Variants in ZC3H12B observed in about 807,000 individuals in gnomAD.
ZC3H12B encodes zinc finger CCCH-type containing 12B.
Under a neutral mutation model 43.9 loss-of-function variants are expected in ZC3H12B, and 7 were observed. The observed-to-expected ratio is 0.16, with a 90% CI of 0.09 to 0.30. ZC3H12B has a LOEUF of 0.30. Ranked by LOEUF, ZC3H12B falls within the 10% of genes least tolerant of loss-of-function variation. ZC3H12B has a pLI of 1.00. For missense variants in ZC3H12B, 475 were observed against 670.2 expected (o/e 0.71, Z 3.22); for synonymous variants, 222 against 241.7 (o/e 0.92, Z 0.76).
the ZC3H12B span, among the ~76,000 whole-genome samples, chrX:65,243,864 C>T: frequency 6.7e-3 from 751 of 111,349 alleles, 9 homozygotes; most frequent in African/African-American, 0.023. Context: ...ACAAAGTTAG[C>T]CAGGAACAGA....
At chrX:65,211,774 T>A in the ZC3H12B span, among the ~76,000 whole-genome samples, 2 of 81,995 alleles carry the variant, frequency 2.4e-5, no homozygotes, top group African/African-American at 1.0e-4. Flanking sequence ...ATGTATGTTA[T>A]ATAATATATT....
At chrX:65,297,174 G>T in the ZC3H12B span, among the ~76,000 whole-genome samples, 1 of 111,029 alleles carries the variant, frequency 9.0e-6, no homozygotes, top group African/African-American at 3.3e-5. Context: ...GTAGAAATCA[G>T]GGTAATCTAA....
At chrX:65,414,062 T>C (rs1433397059) in intron 3 of ZC3H12B, among the ~76,000 whole-genome samples, 1 of 112,191 alleles carries the variant, frequency 8.9e-6, no homozygotes, top group Non-Finnish European at 1.9e-5. Flanking sequence ...GTTTTATTCT[T>C]TTTCAGATAT....
At chrX:65,157,760 C>G in the ZC3H12B span, among the ~76,000 whole-genome samples, 1 of 87,473 alleles carries the variant, frequency 1.1e-5, no homozygotes, top group African/African-American at 1.0e-4. Flanking sequence ...CTACCTTTCC[C>G]TTTTCTTTTT....
the ZC3H12B span, among the ~76,000 whole-genome samples, chrX:65,196,086 C>A: frequency 9.0e-6 from 1 of 110,713 alleles, no homozygotes; most frequent in African/African-American, 3.3e-5. Context: ...TTTACTCATC[C>A]GTCGCTGAAT....
chrX:65,350,260 A>T, the ZC3H12B span, among the ~76,000 whole-genome samples: 1 of 111,800 alleles, frequency 8.9e-6, no homozygotes, highest in Non-Finnish European at 1.9e-5. Flanking sequence ...CAAAAACCTC[A>T]TGATTATCTC....
chrX:65,374,086 AG>A (rs1339612788), intron 2 of ZC3H12B, among the ~76,000 whole-genome samples: 2 of 61,496 alleles, frequency 3.3e-5, no homozygotes, highest in Non-Finnish European at 4.9e-5. Context: ...AACTATATAT[AG>A]TATATATATA....
At chrX:65,260,994 A>T in the ZC3H12B span, among the ~76,000 whole-genome samples, 1 of 112,224 alleles carries the variant, frequency 8.9e-6, no homozygotes, top group African/African-American at 3.2e-5. Flanking sequence ...TATTATAAGC[A>T]TTCAGTAATA....
chrX:65,076,473 A>G, the ZC3H12B span, among the ~76,000 whole-genome samples: 2 of 111,436 alleles, frequency 1.8e-5, no homozygotes, highest in East Asian at 5.6e-4. Flanking sequence ...TTTAAATACT[A>G]TTTCAGCCCC....
At chrX:65,047,500 C>T in the ZC3H12B span, among the ~76,000 whole-genome samples, 2 of 111,235 alleles carry the variant, frequency 1.8e-5, no homozygotes, top group African/African-American at 6.5e-5. Flanking sequence ...ACTCCAAAGG[C>T]TCTTTCAGGC....
chrX:65,215,908 A>G, the ZC3H12B span, among the ~76,000 whole-genome samples: 1 of 111,523 alleles, frequency 9.0e-6, no homozygotes, highest in East Asian at 2.8e-4. Flanking sequence ...TTTTTGTCTC[A>G]GGGAATAGGG....
the ZC3H12B span, among the ~76,000 whole-genome samples, chrX:65,323,043 T>C: frequency 9.0e-6 from 1 of 111,680 alleles, no homozygotes; most frequent in Admixed American, 9.5e-5. Flanking sequence ...TGTGTGGTGA[T>C]TTTGTATTTG....
the ZC3H12B span, among the ~76,000 whole-genome samples, chrX:65,236,511 G>A: frequency 8.9e-6 from 1 of 111,853 alleles, no homozygotes; most frequent in East Asian, 2.8e-4. Context: ...TATTCACTCT[G>A]ATGATAGTTT....
At chrX:65,156,198 A>AT in the ZC3H12B span, among the ~76,000 whole-genome samples, 25 of 108,047 alleles carry the variant, frequency 2.3e-4, no homozygotes, top group Non-Finnish European at 4.8e-4. Flanking sequence ...TGCTCTTTTT[A>AT]TTTTTTCTTT....
chrX:65,309,931 C>T, the ZC3H12B span, among the ~76,000 whole-genome samples: 2 of 111,871 alleles, frequency 1.8e-5, no homozygotes, highest in African/African-American at 6.5e-5. Context: ...CAGAAAAGGC[C>T]TTTGACAAAA....
the ZC3H12B span, among the ~76,000 whole-genome samples, chrX:65,244,554 G>A: frequency 9.3e-6 from 1 of 107,613 alleles, no homozygotes; most frequent in Non-Finnish European, 1.9e-5. Context: ...AGACCAGCCC[G>A]GGTAACATAG....
chrX:65,120,460 G>T, the ZC3H12B span, among the ~76,000 whole-genome samples: 1 of 111,441 alleles, frequency 9.0e-6, no homozygotes, highest in African/African-American at 3.3e-5. Context: ...TCTGTTATTG[G>T]TGTGTAATAA....
At chrX:65,083,463 C>T in the ZC3H12B span, among the ~76,000 whole-genome samples, 1 of 111,884 alleles carries the variant, frequency 8.9e-6, no homozygotes, top group Non-Finnish European at 1.9e-5. Context: ...TATATGCCAG[C>T]AGTGAACAAT....
At chrX:65,293,387 G>A in the ZC3H12B span, among the ~76,000 whole-genome samples, 4 of 110,667 alleles carry the variant, frequency 3.6e-5, no homozygotes, top group African/African-American at 1.3e-4. Flanking sequence ...CTCTGACATA[G>A]TGTACCCAAA....
Sources: allele counts gnomAD v4.1 joint callset (sites outside exome capture counted in the v4.1 genomes callset), GRCh38; gene constraint gnomAD v4.1.1; transcripts MANE v1.5; gene names NCBI Gene and HGNC (gene_info 2026-07-23, HGNC 2026-07-21).